Variants in PCYT1A observed in about 807,000 individuals in gnomAD.
PCYT1A encodes the protein phosphate cytidylyltransferase 1A, choline, also known as choline-phosphate cytidylyltransferase A.
A neutral mutation model predicts 43.7 loss-of-function variants in PCYT1A; 25 were observed. That is an observed-to-expected ratio of 0.57 (90% CI 0.42 to 0.80). PCYT1A has a LOEUF of 0.80. PCYT1A is among the 30% of genes least tolerant of loss of function. PCYT1A has a pLI of 0.00. For missense variants in PCYT1A, 421 were observed against 474.2 expected, an observed-to-expected ratio of 0.89 and a Z score of 1.04; for synonymous variants, 172 against 170.7, an observed-to-expected ratio of 1.01 and a Z score of -0.06.
chr3:196,260,733 T>C (rs1725084708), intron 2 of PCYT1A, among the ~76,000 whole-genome samples: 1 of 152,036 alleles, frequency 6.6e-6, no homozygotes, highest in African/African-American at 2.4e-5. Context: ...TCCCAGCTAC[T>C]TGGGAGGCTG....
chr3:196,270,615 G>T, intron 1 of PCYT1A, 74 bp from the exon 2 acceptor site: 1 of 931,450 alleles, frequency 1.1e-6, no homozygotes, highest in Non-Finnish European at 1.8e-6. Flanking sequence ...TTTCAGAGAC[G>T]TTGACGTGGA....
At chr3:196,272,835 T>C (rs902564249) in intron 1 of PCYT1A, among the ~76,000 whole-genome samples, 1 of 152,246 alleles carries the variant, frequency 6.6e-6, no homozygotes, top group South Asian at 2.1e-4. Flanking sequence ...AGTCACAGAA[T>C]ACTTGGGGTG....
At chr3:196,283,726 G>A (rs1725830901) in intron 1 of PCYT1A, among the ~76,000 whole-genome samples, 1 of 152,178 alleles carries the variant, frequency 6.6e-6, no homozygotes, top group Non-Finnish European at 1.5e-5. Flanking sequence ...AAACAGAAAG[G>A]TTTACGCTTA....
At chr3:196,280,434 A>G (rs1725730490) in intron 1 of PCYT1A, among the ~76,000 whole-genome samples, 1 of 152,106 alleles carries the variant, frequency 6.6e-6, no homozygotes, top group South Asian at 2.1e-4. Context: ...CATATAATCT[A>G]TACCCCCTAT....
At chr3:196,283,416 G>A (rs568842631) in intron 1 of PCYT1A, 4 of 152,250 alleles carry the variant, frequency 2.6e-5, no homozygotes, top group South Asian at 2.1e-4. Flanking sequence ...CCTGGTTTAC[G>A]AATGGTAAAA....
At chr3:196,243,420 C>T (rs1724425020) in intron 5 of PCYT1A, among the ~76,000 whole-genome samples, 1 of 152,142 alleles carries the variant, frequency 6.6e-6, no homozygotes, top group South Asian at 2.1e-4. Context: ...ATAGCAACCA[C>T]GAGCCCTCTG....
At chr3:196,241,911 CAG>C (rs750647903) in intron 7 of PCYT1A, 35 bp downstream of exon 7, 14 of 1,612,782 alleles carry the variant, frequency 8.7e-6, no homozygotes, top group Non-Finnish European at 1.2e-5. Context: ...ATGTCTCCTA[CAG>C]AGTCAGGGAA....
chr3:196,241,202 A>G (rs947438294), intron 7 of PCYT1A, among the ~76,000 whole-genome samples: 1 of 149,544 alleles, frequency 6.7e-6, no homozygotes, highest in Non-Finnish European at 1.5e-5. Context: ...AATCACAGCT[A>G]TTCAGGAGGC....
intron 5 of PCYT1A, among the ~76,000 whole-genome samples, chr3:196,243,336 A>G (rs1195705999): frequency 3.9e-5 from 6 of 152,038 alleles, no homozygotes; most frequent in African/African-American, 9.7e-5. Context: ...TCAAAAAAAA[A>G]AAAAGTATGA....
intron 1 of PCYT1A, among the ~76,000 whole-genome samples, chr3:196,280,684 A>G (rs1374923396): frequency 6.6e-6 from 1 of 150,898 alleles, no homozygotes; most frequent in African/African-American, 2.4e-5. Flanking sequence ...CTATATACAC[A>G]GAGCTATGAT....
chr3:196,237,598 T>A lies in PCYT1A; in HGVS notation c.*1090A>T, dbSNP rs1724206260. 1 of 152,296 alleles carries A rather than the reference T, an allele frequency of 6.6e-6. No individual in the cohort carries two copies. 9.4% of individuals were successfully genotyped at this position (152,296 alleles called of 1,614,324 possible). On this transcript the variant is annotated 3_prime_UTR_variant, in exon 9 of 9. Coordinates refer to ENST00000431016, the MANE Select transcript of PCYT1A (RefSeq NM_001312673.2). Reference sequence around the variant, plus strand: ...TGAAGAGGGACAGAGGTCAAGGTGATAAGGCTGTTGCTTTAGAAAGGAAGG... The same window carrying A: ...TGAAGAGGGACAGAGGTCAAGGTGAAAAGGCTGTTGCTTTAGAAAGGAAGG...
At position 196,247,318 on chromosome 3, in the gene PCYT1A, T is replaced by C. The variant is rs937534023; in HGVS notation, c.486+49A>G. 3.8e-6 allele frequency: 6 copies of C among 1,597,486 alleles called. No homozygotes were observed. The African/African-American group carries it at 8.1e-5, about 21-fold the overall frequency. On this transcript the variant is annotated intron_variant, in intron 5 of 8. Coordinates refer to ENST00000431016, the MANE Select transcript of PCYT1A (RefSeq NM_001312673.2). This position sits in a 1 kb window ranked among gnomAD's most constrained non-coding sequence, Gnocchi z 4.8. ...GCCTACGTGCCAGCAGCTTTGAGAG[T>C]TGAGGGGATTCTGAAACAAGGAATG...
chr3:196,284,189 T>C (rs1326337144), intron 1 of PCYT1A, among the ~76,000 whole-genome samples: 1 of 152,222 alleles, frequency 6.6e-6, no homozygotes, highest in Non-Finnish European at 1.5e-5. Flanking sequence ...ACTCTACTAT[T>C]ATTAGCAGAT....
At chr3:196,239,480 C>T (rs1724286035) in intron 8 of PCYT1A, 67 bp downstream of exon 8, 5 of 1,041,768 alleles carry the variant, frequency 4.8e-6, no homozygotes, top group Non-Finnish European at 7.3e-6. Flanking sequence ...CCCCTTCCTG[C>T]TCAATGATTC....
At chr3:196,249,538 T>C (rs1397444526) in intron 3 of PCYT1A, among the ~76,000 whole-genome samples, 2 of 152,128 alleles carry the variant, frequency 1.3e-5, no homozygotes, top group African/African-American at 2.4e-5. Context: ...ACTGTCAACT[T>C]AGAAGCCAGG....
At chr3:196,258,016 G>A (rs899686287) in intron 2 of PCYT1A, 129 bp from the exon 3 acceptor site, 22 of 569,414 alleles carry the variant, frequency 3.9e-5, no homozygotes, top group South Asian at 1.2e-4. Context: ...AAGAGATTTC[G>A]TTATTCCCGC....
intron 1 of PCYT1A, 80 bp from the exon 2 acceptor site, chr3:196,270,621 G>A (rs1373342547): frequency 2.1e-5 from 19 of 886,966 alleles, no homozygotes; most frequent in South Asian, 9.2e-5. Flanking sequence ...AGACGTTGAC[G>A]TGGATACACT....
chr3:196,253,598 G>A (rs1309076573), intron 3 of PCYT1A, among the ~76,000 whole-genome samples: 1 of 152,196 alleles, frequency 6.6e-6, no homozygotes. Context: ...GCTGCTTGCA[G>A]CACAGCTAAT....
intron 5 of PCYT1A, among the ~76,000 whole-genome samples, chr3:196,246,100 C>A (rs534340654): frequency 1.3e-5 from 2 of 152,256 alleles, no homozygotes; most frequent in African/African-American, 4.8e-5. Flanking sequence ...TTGCTTACCA[C>A]CTTTGGTGCC....
Sources: gnomAD v4.1 joint callset for allele counts (sites outside exome capture counted in the v4.1 genomes callset) on GRCh38, gnomAD v4.1.1 for gene constraint, Gnocchi (gnomAD v3.1) non-coding constraint, MANE v1.5 for transcripts, NCBI Gene and HGNC (gene_info 2026-07-23, HGNC 2026-07-21) for gene names.